Variants in INSYN2B observed in about 807,000 individuals in gnomAD.
The protein encoded by INSYN2B is protein INSYN2B.
Under a neutral mutation model 41.2 loss-of-function variants are expected in INSYN2B, and 16 were observed. The ratio of observed to expected loss-of-function variants is 0.39; its 90% CI spans 0.26 to 0.59. The LOEUF (loss-of-function observed/expected upper bound fraction) is 0.59, where lower values mean the gene tolerates loss of function less well. Ranked by LOEUF, INSYN2B falls within the 20% of genes least tolerant of loss-of-function variation. The pLI is 0.57. For missense variants in INSYN2B, 608 were observed against 646.4 expected, an observed-to-expected ratio of 0.94 and a Z score of 0.64; for synonymous variants, 245 against 244.4, an observed-to-expected ratio of 1.00 and a Z score of -0.02.
chr5:169,880,293 T>A (rs1772563748), intron 3 of INSYN2B, among the ~76,000 whole-genome samples: 1 of 152,260 alleles, frequency 6.6e-6, no homozygotes, highest in African/African-American at 2.4e-5. Context: ...CTCAAGGCCC[T>A]GCCTAAGTGC....
intron 1 of INSYN2B, among the ~76,000 whole-genome samples, chr5:169,924,295 T>C (rs1775326335): frequency 1.3e-5 from 2 of 152,124 alleles, no homozygotes; most frequent in Non-Finnish European, 2.9e-5. Flanking sequence ...TTCAAACATA[T>C]ATTTTCAAAA....
chr5:169,927,957 A>G (rs1401596574), intron 1 of INSYN2B, among the ~76,000 whole-genome samples: 1 of 152,188 alleles, frequency 6.6e-6, no homozygotes, highest in African/African-American at 2.4e-5. Context: ...AGATGGTATA[A>G]CCAGCAGGAA....
chr5:169,888,127 T>C (rs2113528028), intron 1 of INSYN2B, among the ~76,000 whole-genome samples: 1 of 152,332 alleles, frequency 6.6e-6, no homozygotes. Context: ...GTTTAGGAAA[T>C]ACAAAATTTT....
intron 1 of INSYN2B, among the ~76,000 whole-genome samples, chr5:169,896,356 G>A (rs1311121450): frequency 6.6e-6 from 1 of 152,156 alleles, no homozygotes; most frequent in Non-Finnish European, 1.5e-5. Context: ...TGGCATGGTG[G>A]ACAAGAGCTT....
At chr5:169,972,943 G>A (rs567856548) in intron 1 of INSYN2B, among the ~76,000 whole-genome samples, 2 of 152,274 alleles carry the variant, frequency 1.3e-5, no homozygotes, top group South Asian at 4.1e-4. Context: ...CCTAGTACCT[G>A]AGTGTGCTGT....
intron 1 of INSYN2B, among the ~76,000 whole-genome samples, chr5:169,939,158 C>G (rs1252068069): frequency 6.6e-6 from 1 of 151,830 alleles, no homozygotes; most frequent in East Asian, 1.9e-4. Flanking sequence ...CCCACCTCAG[C>G]CTCCCAAAGT....
In INSYN2B at chr5:169,902,968, C is replaced by G. The variant is rs573997538; in HGVS notation, c.-918-18152G>C. On this transcript the variant is annotated intron_variant, in intron 1 of 3. Coordinates refer to ENST00000377365, the MANE Select transcript of INSYN2B (RefSeq NM_001129891.3). ...CAAAAATTAGCTGGGTGTGGTGGCA[C>G]ATGCCTGTAGTCCCAGCTACTCGGG... 2.5e-4 allele frequency among the ~76,000 whole-genome samples: 38 copies of G among 152,120 alleles called. No homozygotes were observed. In the East Asian group the frequency reaches 5.6e-3, roughly 22 times the overall value.
At chr5:169,932,011 C>A (rs1038561198) in intron 1 of INSYN2B, among the ~76,000 whole-genome samples, 1 of 152,194 alleles carries the variant, frequency 6.6e-6, no homozygotes, top group Admixed American at 6.5e-5. Flanking sequence ...CAGCCATAAG[C>A]CCAACAGAGT....
At chr5:169,916,873 T>A (rs990384266) in intron 1 of INSYN2B, among the ~76,000 whole-genome samples, 1 of 152,196 alleles carries the variant, frequency 6.6e-6, no homozygotes, top group Non-Finnish European at 1.5e-5. Flanking sequence ...AGCTAGTAAG[T>A]AATGGGGCCT....
intron 1 of INSYN2B, among the ~76,000 whole-genome samples, chr5:169,953,702 A>G (rs775160150): frequency 7.2e-5 from 11 of 152,144 alleles, no homozygotes; most frequent in Admixed American, 1.3e-4. Context: ...ATGCAGCATA[A>G]AGTGAACTCC....
At chr5:169,939,745 T>C (rs1776157222) in intron 1 of INSYN2B, among the ~76,000 whole-genome samples, 1 of 152,200 alleles carries the variant, frequency 6.6e-6, no homozygotes, top group African/African-American at 2.4e-5. Context: ...TTAATATACT[T>C]AAAGTTCTTA....
chr5:169,884,081 G>A lies in INSYN2B; in HGVS notation c.-183C>T. ...ATTCCCAGCCTCTAGAGTCTACGTA[G>A]GAACTATCTGTAATGCTTTCCCTGC... On this transcript the variant is annotated 5_prime_UTR_variant, in exon 2 of 4. Coordinates refer to ENST00000377365, the MANE Select transcript of INSYN2B (RefSeq NM_001129891.3). 1 of 460,120 alleles carries A rather than the reference G, an allele frequency of 2.2e-6. No homozygotes were observed. Among genetic ancestry groups the A allele is most frequent in the East Asian group, 3.1e-5 (1 of 31,758 alleles). 28.5% of individuals were successfully genotyped at this position (460,120 alleles called of 1,614,324 possible).
At chr5:169,890,216 G>A (rs1219481367) in intron 1 of INSYN2B, among the ~76,000 whole-genome samples, 1 of 152,170 alleles carries the variant, frequency 6.6e-6, no homozygotes, top group South Asian at 2.1e-4. Context: ...TTATGTGTTA[G>A]TCCTGTTTCC....
intron 1 of INSYN2B, among the ~76,000 whole-genome samples, chr5:169,949,611 G>A (rs1009823583): frequency 6.7e-6 from 1 of 148,930 alleles, no homozygotes; most frequent in Non-Finnish European, 1.5e-5. Context: ...ATGTGAAATG[G>A]AATGCCATGA....
chr5:169,928,428 A>C (rs1362173256), intron 1 of INSYN2B, among the ~76,000 whole-genome samples: 2 of 152,248 alleles, frequency 1.3e-5, no homozygotes, highest in African/African-American at 4.8e-5. Context: ...TCACGTAGTC[A>C]GGCAGGTTCC....
intron 1 of INSYN2B, among the ~76,000 whole-genome samples, chr5:169,912,801 T>C (rs909873408): frequency 6.6e-6 from 1 of 152,140 alleles, no homozygotes; most frequent in Admixed American, 6.5e-5. Context: ...AGCAGCAGTA[T>C]AACCAGAGTG....
At chr5:169,959,403 A>G (rs1023553420) in intron 1 of INSYN2B, among the ~76,000 whole-genome samples, 2 of 152,128 alleles carry the variant, frequency 1.3e-5, no homozygotes, top group African/African-American at 4.8e-5. Flanking sequence ...ACTATTCCCA[A>G]CAACTCTAGG....
intron 1 of INSYN2B, among the ~76,000 whole-genome samples, chr5:169,922,499 A>G (rs925106386): frequency 6.6e-6 from 1 of 152,212 alleles, no homozygotes; most frequent in Non-Finnish European, 1.5e-5. Flanking sequence ...ACATTTAATT[A>G]TCTAAGTAAA....
chr5:169,890,147 G>A (rs1773199700), intron 1 of INSYN2B, among the ~76,000 whole-genome samples: 1 of 152,282 alleles, frequency 6.6e-6, no homozygotes, highest in South Asian at 2.1e-4. Flanking sequence ...TGCCAGCCTC[G>A]GGGCTCTGGT....
Sources: allele counts gnomAD v4.1 joint callset (sites outside exome capture counted in the v4.1 genomes callset), GRCh38; gene constraint gnomAD v4.1.1; transcripts MANE v1.5; gene names NCBI Gene and HGNC (gene_info 2026-07-23, HGNC 2026-07-21).